NKAIN2: variants seen among roughly 807,000 people sequenced by gnomAD.
NKAIN2 encodes the protein sodium/potassium transporting ATPase interacting 2.
Under a neutral mutation model 32.6 loss-of-function variants are expected in NKAIN2, and 14 were observed. The observed-to-expected ratio is 0.43, with a 90% CI of 0.28 to 0.67. The LOEUF (loss-of-function observed/expected upper bound fraction) is 0.67. Among genes scored for constraint, NKAIN2 ranks in the 30% least tolerant of loss-of-function variants. The pLI, the probability that NKAIN2 is intolerant of heterozygous loss-of-function variation, is 0.17. For missense variants in NKAIN2, 198 were observed against 258.3 expected (o/e 0.77, Z 1.60); for synonymous variants, 80 against 87.2 (o/e 0.92, Z 0.46).
At chr6:124,387,354 C>G (rs1166987641) in intron 3 of NKAIN2, among the ~76,000 whole-genome samples, 1 of 151,552 alleles carries the variant, frequency 6.6e-6, no homozygotes, top group Admixed American at 6.6e-5. Flanking sequence ...ACCTCCTTGC[C>G]CCATTGCATG....
At chr6:124,070,323 A>G (rs1265897222) in intron 1 of NKAIN2, among the ~76,000 whole-genome samples, 2 of 152,174 alleles carry the variant, frequency 1.3e-5, no homozygotes, top group South Asian at 2.1e-4. Flanking sequence ...TGTGTGTATA[A>G]TTCTTTACAT....
At chr6:124,784,637 C>A (rs938901999) in intron 4 of NKAIN2, among the ~76,000 whole-genome samples, 4 of 151,968 alleles carry the variant, frequency 2.6e-5, no homozygotes, top group African/African-American at 9.7e-5. Flanking sequence ...CACAGAATGA[C>A]GCTGGGGTTG....
chr6:124,029,425 T>C (rs994918341), intron 1 of NKAIN2, among the ~76,000 whole-genome samples: 4 of 151,390 alleles, frequency 2.6e-5, no homozygotes, highest in South Asian at 2.1e-4. Flanking sequence ...GCCGCAGTAA[T>C]TGACAGCATT....
chr6:124,025,952 A>T (rs539199216), intron 1 of NKAIN2, among the ~76,000 whole-genome samples: 5 of 152,306 alleles, frequency 3.3e-5, no homozygotes, highest in Admixed American at 3.3e-4. Flanking sequence ...AAAAGTGAGT[A>T]TAACACCTTC....
intron 4 of NKAIN2, among the ~76,000 whole-genome samples, chr6:124,777,941 T>C (rs1051011883): frequency 4.4e-5 from 6 of 134,940 alleles, no homozygotes; most frequent in African/African-American, 1.7e-4. Context: ...TTATTAGAAA[T>C]CACATTCACA....
At chr6:123,914,740 A>T (rs1775404331) in intron 1 of NKAIN2, among the ~76,000 whole-genome samples, 1 of 152,164 alleles carries the variant, frequency 6.6e-6, no homozygotes, top group Non-Finnish European at 1.5e-5. Flanking sequence ...TCACAGAGAA[A>T]AGGCAAAAAG....
intron 2 of NKAIN2, among the ~76,000 whole-genome samples, chr6:124,327,958 C>A (rs889592161): frequency 6.6e-6 from 1 of 152,116 alleles, no homozygotes; most frequent in Non-Finnish European, 1.5e-5. Flanking sequence ...ATTCAAATTT[C>A]AAGTATTTAG....
intron 1 of NKAIN2, among the ~76,000 whole-genome samples, chr6:123,957,390 C>G (rs1582841222): frequency 6.6e-6 from 1 of 152,230 alleles, no homozygotes; most frequent in Non-Finnish European, 1.5e-5. Context: ...TCATCAGCAT[C>G]TAGCACAGCA....
At chr6:124,713,866 T>C (rs1002606904) in intron 4 of NKAIN2, among the ~76,000 whole-genome samples, 3 of 152,328 alleles carry the variant, frequency 2.0e-5, no homozygotes, top group South Asian at 4.1e-4. Context: ...CAAGGAAATG[T>C]TGTCTGGCCA....
chr6:124,179,862 T>G (rs539622683), intron 1 of NKAIN2, among the ~76,000 whole-genome samples: 2 of 152,364 alleles, frequency 1.3e-5, no homozygotes, highest in South Asian at 4.1e-4. Context: ...AGATGTTGGT[T>G]GTCATTTTTA....
At chr6:124,219,324 C>G (rs374059060) in intron 1 of NKAIN2, among the ~76,000 whole-genome samples, 1 of 147,712 alleles carries the variant, frequency 6.8e-6, no homozygotes, top group South Asian at 2.1e-4. Flanking sequence ...GTCGCCCAGG[C>G]TGGACTGCAG....
chr6:124,004,674 A>G (rs113876048), intron 1 of NKAIN2, among the ~76,000 whole-genome samples: 4,640 of 151,944 alleles, frequency 0.031, 254 homozygotes, highest in African/African-American at 0.11. Flanking sequence ...GAACACTTGG[A>G]CACAGGGTGG....
chr6:124,000,946 C>T (rs1376633038), intron 1 of NKAIN2, among the ~76,000 whole-genome samples: 4 of 152,022 alleles, frequency 2.6e-5, no homozygotes, highest in Non-Finnish European at 4.4e-5. Flanking sequence ...AAAAGCAGTA[C>T]GTGTAAAAGC....
intron 4 of NKAIN2, among the ~76,000 whole-genome samples, chr6:124,678,056 A>G (rs1246685081): frequency 1.3e-5 from 2 of 151,894 alleles, no homozygotes; most frequent in East Asian, 3.9e-4. Context: ...TCTGAGTTGC[A>G]AGATATTTTT....
intron 3 of NKAIN2, among the ~76,000 whole-genome samples, chr6:124,357,503 C>T (rs1034049666): frequency 6.6e-6 from 1 of 151,750 alleles, no homozygotes; most frequent in African/African-American, 2.4e-5. Flanking sequence ...AGAATGTAAA[C>T]CATTGTTTTT....
intron 3 of NKAIN2, among the ~76,000 whole-genome samples, chr6:124,560,605 TACA>T (rs1780653556): frequency 6.6e-6 from 1 of 152,228 alleles, no homozygotes; most frequent in Non-Finnish European, 1.5e-5. Context: ...TTCAAATGAA[TACA>T]ACGATGAGGC....
At chr6:124,323,829 C>G (rs1797303048) in intron 2 of NKAIN2, among the ~76,000 whole-genome samples, 1 of 145,346 alleles carries the variant, frequency 6.9e-6, no homozygotes, top group African/African-American at 2.6e-5. Context: ...GCTCTGTCAC[C>G]CAGGCTGGAG....
chr6:124,588,133 T>C (rs1346228635), intron 3 of NKAIN2, among the ~76,000 whole-genome samples: 1 of 152,168 alleles, frequency 6.6e-6, no homozygotes. Context: ...TAGGTACAGA[T>C]TTTATAGCAG....
chr6:124,798,814 C>T (rs1457002465), intron 5 of NKAIN2, among the ~76,000 whole-genome samples: 4 of 152,134 alleles, frequency 2.6e-5, no homozygotes, highest in Non-Finnish European at 5.9e-5. Context: ...TTCCGACATT[C>T]AAATACAGTA....
Sources: allele counts gnomAD v4.1 joint callset (sites outside exome capture counted in the v4.1 genomes callset), GRCh38; gene constraint gnomAD v4.1.1; transcripts MANE v1.5; gene names NCBI Gene and HGNC (gene_info 2026-07-23, HGNC 2026-07-21).